GJD3: variants seen among roughly 807,000 people sequenced by gnomAD.
GJD3 encodes gap junction delta-3 protein.
For synonymous variants in GJD3, 217 were observed against 226.7 expected, an observed-to-expected ratio of 0.96 and a Z score of 0.38; for missense variants, 421 against 448.5, an observed-to-expected ratio of 0.94 and a Z score of 0.55.
In GJD3 at chr17:40,362,120, C is replaced by G. The variant is rs1485630585; in HGVS notation, c.*811G>C. ...ATTGTGGCTGCAGCTGGCATCGGAT[C>G]CTGGCCACCCCCGCAGTGCATATCA... On this transcript the variant is annotated 3_prime_UTR_variant, in exon 1 of 1. Transcript: ENST00000578689. Among the ~76,000 whole-genome samples, 1 of 152,108 alleles carries G rather than the reference C, an allele frequency of 6.6e-6. No individual in the cohort carries two copies. The highest frequency in any genetic ancestry group is 1.5e-5 in the Non-Finnish European group (1 of 68,002).
In GJD3 at chr17:40,363,329, C is replaced by A; in HGVS notation, c.487G>T (p.Ala163Ser). The change falls in exon 1 of 1, where the codon GCC becomes TCC. Residue 163 changes from alanine (A) to serine (S), a missense_variant. By Grantham distance (99) the Ala-to-Ser change is moderately conservative. Transcript: ENST00000578689. The surrounding 1 kb of genome is among the most constrained non-coding windows in gnomAD (Gnocchi z 5.5). ...GQALLYGFRV[A>S]PHFACAGPPC... ...GGACCGGCGCACGCGAAGTGCGGGG[C>A]CACGCGGAAGCCGTAGAGCAGCGCC... 7.1e-7 allele frequency: 1 copy of A among 1,414,816 alleles called. No individual in the cohort carries two copies. Among genetic ancestry groups the A allele is most frequent in the Non-Finnish European group, 9.2e-7 (1 of 1,082,378 alleles). 87.6% of individuals were successfully genotyped at this position (1,414,816 alleles called of 1,614,324 possible). A position where few individuals can be genotyped will look rare whatever the true frequency, so the allele number is the denominator to read the frequency against.
Position 40,362,328 on chromosome 17 carries a change from G to T in GJD3, c.*603C>A, listed in dbSNP as rs922035217. Among the ~76,000 whole-genome samples, 1 of 152,146 alleles carries T rather than the reference G, an allele frequency of 6.6e-6. No individual in the cohort carries two copies. The highest frequency in any genetic ancestry group is 6.5e-5 in the Admixed American group (1 of 15,288). On this transcript the variant is annotated 3_prime_UTR_variant, in exon 1 of 1. Transcript: ENST00000578689. ...GGATGTGAGTACACAGCTCTCAAGGGGCATATGTTTCTGTGTGCATGTGCA... is the reference window on the plus strand; with the variant it reads ...GGATGTGAGTACACAGCTCTCAAGGTGCATATGTTTCTGTGTGCATGTGCA...
At position 40,363,702 on chromosome 17, in the gene GJD3, G is replaced by A. The variant is rs2034775890; in HGVS notation, c.114C>T (p.Ala38=). 2 of 1,610,356 alleles carry A rather than the reference G, an allele frequency of 1.2e-6. No homozygotes were observed. Among genetic ancestry groups the A allele is most frequent in the Non-Finnish European group, 1.7e-6 (2 of 1,179,348 alleles). ...CCTCGAACACGGCGCCGCCCACCGTGGCCAGCACCAGGATGCGGAAGATCA... is the reference window on the plus strand; with the variant it reads ...CCTCGAACACGGCGCCGCCCACCGTAGCCAGCACCAGGATGCGGAAGATCA... ...VMLIFRILVL[A]TVGGAVFEDE... is the part of the protein sequence containing the mutation. The change falls in exon 1 of 1, where the codon GCC becomes GCT. Residue 38 remains alanine, a synonymous_variant. Coordinates refer to ENST00000578689, the MANE Select transcript of GJD3 (RefSeq NM_152219.4). This position sits in a 1 kb window ranked among gnomAD's most constrained non-coding sequence, Gnocchi z 5.5.
In GJD3 at chr17:40,363,615, G is replaced by T; in HGVS notation, c.201C>A (p.Asp67Glu). Residue 67 changes from aspartate to glutamate, a missense_variant, in exon 1 of 1, where the codon GAC becomes GAA. Physicochemically the swap from Asp to Glu is conservative, Grantham distance 45. Transcript: ENST00000578689. This position sits in a 1 kb window ranked among gnomAD's most constrained non-coding sequence, Gnocchi z 5.5. Reference protein sequence around the residue: ...LQPGCRQTCYDRAFPVSHYRF... With the variant: ...LQPGCRQTCYERAFPVSHYRF... ...GGTAGTGGGAGACCGGGAAGGCGCG[G>T]TCGTAGCAGGTCTGGCGACAGCCCG... 1 of 1,602,996 alleles carries T rather than the reference G, an allele frequency of 6.2e-7. No homozygotes were observed. Among genetic ancestry groups the T allele is most frequent in the Non-Finnish European group, 8.5e-7 (1 of 1,175,568 alleles).
At position 40,363,456 on chromosome 17, in the gene GJD3, GGCCTCGGGCAGTCCGGGGGCGCACTGC is replaced by G. The variant is rs767604557; in HGVS notation, c.333_359del (p.Gly116_Pro124del). On this transcript the variant is annotated inframe_deletion, in exon 1 of 1. Transcript: ENST00000578689. The surrounding 1 kb of genome is among the most constrained non-coding windows in gnomAD (Gnocchi z 5.5). Reference sequence around the variant, plus strand: ...CGCGCAGGGCGCACGGCGCGCACTGGGCCTCGGGCAGTCCGGGGGCGCACTGCGCCGCCGCCTCAGCGCCGCCCGCCT... The same window carrying G: ...CGCGCAGGGCGCACGGCGCGCACTGGGCCGCCGCCTCAGCGCCGCCCGCCT... The G allele has an allele frequency of 2.3e-5, 32 of 1,414,488 alleles. No individual in the cohort carries two copies. The South Asian group carries it at 4.5e-4, about 20-fold the overall frequency. The allele number at this position is 1,414,488 out of a possible 1,614,324, so 87.6% of individuals were successfully genotyped here. A position where few individuals can be genotyped will look rare whatever the true frequency, so the allele number is the denominator to read the frequency against.
In GJD3 at chr17:40,362,802, A is replaced by T. The variant is rs1318433651; in HGVS notation, c.*129T>A. Reference sequence around the variant, plus strand: ...GCGATGCCGCCCGCGGGCCGTCCCCACAACGCGTCTCCTGCCGGGGCAGGT... The same window carrying T: ...GCGATGCCGCCCGCGGGCCGTCCCCTCAACGCGTCTCCTGCCGGGGCAGGT... On this transcript the variant is annotated 3_prime_UTR_variant, in exon 1 of 1. Coordinates refer to ENST00000578689, the MANE Select transcript of GJD3 (RefSeq NM_152219.4). 9.4e-7 allele frequency: 1 copy of T among 1,068,708 alleles called. No homozygotes were observed. The highest frequency in any genetic ancestry group is 1.7e-5 in the African/African-American group (1 of 58,902). The allele number at this position is 1,068,708 out of a possible 1,614,324, so 66.2% of individuals were successfully genotyped here.
rs1393845569 is a variant in GJD3, at chr17:40,361,040, A to G, written c.*1891T>C. The G allele has an allele frequency of 2.2e-6, 1 of 456,538 alleles. No individual in the cohort carries two copies. Among genetic ancestry groups the G allele is most frequent in the East Asian group, 7.0e-5 (1 of 14,368 alleles). 28.3% of individuals were successfully genotyped at this position (456,538 alleles called of 1,614,324 possible). A position where few individuals can be genotyped will look rare whatever the true frequency, so the allele number is the denominator to read the frequency against. On this transcript the variant is annotated 3_prime_UTR_variant, in exon 1 of 1. Transcript: ENST00000578689. ...ATCCTGCAGGAGAAGTGCTTTCCCT[A>G]CGGAAGCGAGGGGCATCCAGCTCTG...
In GJD3 at chr17:40,363,483, C is replaced by T. The variant is rs564423705; in HGVS notation, c.333G>A (p.Ala111=). The change falls in exon 1 of 1, where the codon GCG becomes GCA. Residue 111 remains alanine, a synonymous_variant. Transcript: ENST00000578689. This position sits in a 1 kb window ranked among gnomAD's most constrained non-coding sequence, Gnocchi z 5.5. ...CCTCGGGCAGTCCGGGGGCGCACTG[C>T]GCCGCCGCCTCAGCGCCGCCCGCCT... ...GKEAGGAEAA[A]QCAPGLPEAQ... 347 of 1,539,126 alleles carry T rather than the reference C, an allele frequency of 2.3e-4. 2 individuals are homozygous for T. In the East Asian group the frequency reaches 6.3e-3, roughly 28 times the overall value.
chr17:40,363,944 G>T lies in GJD3; in HGVS notation c.-129C>A. On this transcript the variant is annotated 5_prime_UTR_variant, in exon 1 of 1. Transcript: ENST00000578689. This position sits in a 1 kb window ranked among gnomAD's most constrained non-coding sequence, Gnocchi z 5.5. Reference sequence around the variant, plus strand: ...CAGGGTGAGTCGTGAGGTAGGAGAGGCCCGGGTTTAGCGATGAGACCAGTA... The same window carrying T: ...CAGGGTGAGTCGTGAGGTAGGAGAGTCCCGGGTTTAGCGATGAGACCAGTA... 1 of 1,317,320 alleles carries T rather than the reference G, an allele frequency of 7.6e-7. No individual in the cohort carries two copies. The highest frequency in any genetic ancestry group is 1.0e-6 in the Non-Finnish European group (1 of 975,828). 81.6% of individuals were successfully genotyped at this position (1,317,320 alleles called of 1,614,324 possible).
Position 40,364,111 on chromosome 17 carries a change from C to G in GJD3, c.-296G>C. The G allele has an allele frequency of 3.0e-6, 1 of 331,068 alleles. No individual in the cohort carries two copies. Among genetic ancestry groups the G allele is most frequent in the Non-Finnish European group, 5.9e-6 (1 of 168,878 alleles). The allele number at this position is 331,068 out of a possible 1,614,324, so 20.5% of individuals were successfully genotyped here. ...CCCCCTGAGCCGTCTCCGTTCGACC[C>G]TGGGATCCTCCAGATCCCAGATTCT... On this transcript the variant is annotated 5_prime_UTR_variant, in exon 1 of 1. Transcript: ENST00000578689.
Position 40,362,516 on chromosome 17 carries a change from C to T in GJD3, c.*415G>A, listed in dbSNP as rs193258767. ...CCGTGTATGCACACTCGCAGAGAGC[C>T]CACAGGGGGACCACTCTCTCTCTGA... On this transcript the variant is annotated 3_prime_UTR_variant, in exon 1 of 1. Transcript: ENST00000578689. 3.3e-5 allele frequency among the ~76,000 whole-genome samples: 5 copies of T among 152,204 alleles called. No homozygotes were observed. The highest frequency in any genetic ancestry group is 1.2e-4 in the African/African-American group (5 of 41,462).
chr17:40,362,941 A>C lies in GJD3; in HGVS notation c.875T>G (p.Leu292Arg), dbSNP rs966294059. The C allele has an allele frequency of 3.2e-6, 4 of 1,242,554 alleles. No individual in the cohort carries two copies. The highest frequency in any genetic ancestry group is 4.0e-6 in the Non-Finnish European group (4 of 990,858). 77.0% of individuals were successfully genotyped at this position (1,242,554 alleles called of 1,614,324 possible). Residue 292 changes from leucine to arginine, a missense_variant, in exon 1 of 1, where the codon CTG becomes CGG. Physicochemically the swap from Leu to Arg is moderately radical, Grantham distance 102 (BLOSUM62 -2). Coordinates refer to ENST00000578689, the MANE Select transcript of GJD3 (RefSeq NM_152219.4). ...AGGCGGTGCCCGCCCCTAGATGGCC[A>C]GATCTCGGCGGCCGGTGGCCGGTGA... The part of the protein sequence containing the change: ...KASPATGRRD[L>R]AI
At position 40,361,692 on chromosome 17, in the gene GJD3, G is replaced by C. The variant is rs1248592445; in HGVS notation, c.*1239C>G. Among the ~76,000 whole-genome samples the C allele has an allele frequency of 6.6e-6, 1 of 152,188 alleles. No homozygotes were observed. Among genetic ancestry groups the C allele is most frequent in the African/African-American group, 2.4e-5 (1 of 41,444 alleles). On this transcript the variant is annotated 3_prime_UTR_variant, in exon 1 of 1. Coordinates refer to ENST00000578689, the MANE Select transcript of GJD3 (RefSeq NM_152219.4). ...ATAGGCAGCAGCTCTTCGAATGCCC[G>C]CAAGTAGGAAGAAGGGGGTGGTTGG...
At position 40,363,680 on chromosome 17, in the gene GJD3, C is replaced by G. The variant is rs200373622; in HGVS notation, c.136G>C (p.Glu46Gln). The change falls in exon 1 of 1, where the codon GAG becomes CAG. Residue 46 changes from glutamate (E) to glutamine (Q), a missense_variant. By Grantham distance (29) the Glu-to-Gln change is conservative. Transcript: ENST00000578689. The surrounding 1 kb of genome is among the most constrained non-coding windows in gnomAD (Gnocchi z 5.5). The stretch of plus-strand genomic sequence containing the variant: ...CACACGAACTCCTCTTGCTCGTCCT[C>G]GAACACGGCGCCGCCCACCGTGGCC... ...VLATVGGAVF[E>Q]DEQEEFVCNT... The G allele has an allele frequency of 3.9e-5, 63 of 1,609,420 alleles. 1 individual carries two copies. In the African/African-American group the frequency reaches 7.6e-4, roughly 19 times the overall value.
Position 40,362,072 on chromosome 17 carries a change from G to T in GJD3, c.*859C>A, listed in dbSNP as rs1316462343. Among the ~76,000 whole-genome samples the T allele has an allele frequency of 6.6e-6, 1 of 152,158 alleles. No individual in the cohort carries two copies. Among genetic ancestry groups the T allele is most frequent in the Non-Finnish European group, 1.5e-5 (1 of 68,006 alleles). ...TGTGATGCCCTGGCAGGTGGGCTGG[G>T]TTAGGGTGGTAGGGAGGGAGCCATT... On this transcript the variant is annotated 3_prime_UTR_variant, in exon 1 of 1. Transcript: ENST00000578689.
Position 40,363,159 on chromosome 17 carries a change from G to C in GJD3, c.657C>G (p.Arg219=). ...LGHLLWKGRP[R]AGERDNRCNR... The stretch of plus-strand genomic sequence containing the variant: ...TGCAGCGGTTGTCACGCTCCCCGGC[G>C]CGCGGGCGGCCCTTCCAGAGCAGGT... Residue 219 remains arginine, a synonymous_variant, in exon 1 of 1, where the codon CGC becomes CGG. Transcript: ENST00000578689. The surrounding 1 kb of genome is among the most constrained non-coding windows in gnomAD (Gnocchi z 5.5). The C allele has an allele frequency of 7.0e-7, 1 of 1,419,364 alleles. No individual in the cohort carries two copies. The highest frequency in any genetic ancestry group is 9.2e-7 in the Non-Finnish European group (1 of 1,084,102). The allele number at this position is 1,419,364 out of a possible 1,614,324, so 87.9% of individuals were successfully genotyped here.
Position 40,362,945 on chromosome 17 carries a change from C to G in GJD3, c.871G>C (p.Asp291His). The change falls in exon 1 of 1, where the codon GAT (aspartate) becomes CAT (histidine). Residue 291 changes from aspartate to histidine, a missense_variant. By Grantham distance (81) the Asp-to-His change is moderately conservative. Coordinates refer to ENST00000578689, the MANE Select transcript of GJD3 (RefSeq NM_152219.4). ...GGTGCCCGCCCCTAGATGGCCAGAT[C>G]TCGGCGGCCGGTGGCCGGTGACGCC... is the stretch of plus-strand genomic sequence containing the variant. ...GKASPATGRR[D>H]LAI 8.0e-7 allele frequency: 1 copy of G among 1,243,804 alleles called. No individual in the cohort carries two copies. The highest frequency in any genetic ancestry group is 1.0e-6 in the Non-Finnish European group (1 of 991,524). The allele number at this position is 1,243,804 out of a possible 1,614,324, so 77.0% of individuals were successfully genotyped here. A position where few individuals can be genotyped will look rare whatever the true frequency, so the allele number is the denominator to read the frequency against.
In GJD3 at chr17:40,363,227, C is replaced by T; in HGVS notation, c.589G>A (p.Val197Met). 1.4e-6 allele frequency: 2 copies of T among 1,447,524 alleles called. No individual in the cohort carries two copies. The highest frequency in any genetic ancestry group is 2.4e-5 in the Admixed American group (1 of 41,904). The allele number at this position is 1,447,524 out of a possible 1,614,324, so 89.7% of individuals were successfully genotyped here. A position where few individuals can be genotyped will look rare whatever the true frequency, so the allele number is the denominator to read the frequency against. ...CTGAGCAGCGCCGACAGCAGCCCCACCGCGAAATAGAAGAGCACGAAGACG... is the reference window on the plus strand; with the variant it reads ...CTGAGCAGCGCCGACAGCAGCCCCATCGCGAAATAGAAGAGCACGAAGACG... ...KTVFVLFYFA[V>M]GLLSALLSVA... is the part of the protein sequence containing the mutation. The change falls in exon 1 of 1, where the codon GTG (valine) becomes ATG (methionine). Residue 197 changes from valine to methionine, a missense_variant. Physicochemically the swap from Val to Met is conservative, Grantham distance 21. Coordinates refer to ENST00000578689, the MANE Select transcript of GJD3 (RefSeq NM_152219.4). This position sits in a 1 kb window ranked among gnomAD's most constrained non-coding sequence, Gnocchi z 5.5.
In GJD3 at chr17:40,364,335, A is replaced by G. The variant is rs2143580511; in HGVS notation, c.-520T>C. 5.9e-6 allele frequency: 1 copy of G among 169,792 alleles called. No homozygotes were observed. Among genetic ancestry groups the G allele is most frequent in the East Asian group, 1.9e-4 (1 of 5,186 alleles). 10.5% of individuals were successfully genotyped at this position (169,792 alleles called of 1,614,324 possible). A position where few individuals can be genotyped will look rare whatever the true frequency, so the allele number is the denominator to read the frequency against. On this transcript the variant is annotated 5_prime_UTR_variant, in exon 1 of 1. It removes an upstream start codon present in the reference 5' UTR. Coordinates refer to ENST00000578689, the MANE Select transcript of GJD3 (RefSeq NM_152219.4). ...GAGACCACTCCTTTCTTGGCCCACC[A>G]TTTCTCTCACCATTTTTACTGCAGT...
Sources: allele counts gnomAD v4.1 joint callset (sites outside exome capture counted in the v4.1 genomes callset), GRCh38; gene constraint gnomAD v4.1.1; non-coding constraint Gnocchi (gnomAD v3.1); transcripts MANE v1.5; gene names NCBI Gene and HGNC (gene_info 2026-07-23, HGNC 2026-07-21).